The following ZFAT variants were observed in gnomAD, a reference collection of about 807,000 sequenced individuals.
The protein encoded by ZFAT is zinc finger protein ZFAT.
Under a neutral mutation model 117.7 loss-of-function variants are expected in ZFAT, and 64 were observed. That is an observed-to-expected ratio of 0.54 (90% confidence interval 0.44 to 0.67). The LOEUF is 0.67. Ranked by LOEUF, ZFAT falls within the 30% of genes least tolerant of loss-of-function variation. The pLI is 0.00. For missense variants in ZFAT, 1,433 were observed against 1,584.5 expected, an observed-to-expected ratio of 0.90 and a Z score of 1.62; for synonymous variants, 679 against 615.0, an observed-to-expected ratio of 1.10 and a Z score of -1.54.
chr8:134,641,662 C>T (rs6577718), intron 2 of ZFAT, among the ~76,000 whole-genome samples: 84,302 of 152,146 alleles, frequency 0.55, 23,515 homozygotes, highest in South Asian at 0.64. Flanking sequence ...CACAGGGTCT[C>T]GAACGGAGCT....
intron 1 of ZFAT, 46 bp downstream of exon 1, chr8:134,712,799 C>CGG: frequency 6.6e-6 from 8 of 1,206,152 alleles, no homozygotes; most frequent in Non-Finnish European, 9.2e-6. Context: ...CGCCGCGCCG[C>CGG]GCCCCACCCC....
intron 1 of ZFAT, among the ~76,000 whole-genome samples, chr8:134,675,980 C>T (rs1832778868): frequency 6.6e-6 from 1 of 152,162 alleles, no homozygotes; most frequent in Non-Finnish European, 1.5e-5. Context: ...GCACCAGCCA[C>T]TGCAAAAACA....
intron 1 of ZFAT, among the ~76,000 whole-genome samples, chr8:134,670,460 G>T (rs531758301): frequency 2.0e-5 from 3 of 152,200 alleles, no homozygotes; most frequent in Admixed American, 2.0e-4. Context: ...AATCAAAATC[G>T]CTCAACTACA....
the ZFAT span, among the ~76,000 whole-genome samples, chr8:134,783,062 T>A: frequency 2.6e-5 from 4 of 152,146 alleles, no homozygotes; most frequent in African/African-American, 9.7e-5. Flanking sequence ...TGCATATACA[T>A]CTTTAGTAAT....
At chr8:134,653,419 G>GTTTTTTTTT (rs61711569) in intron 2 of ZFAT, among the ~76,000 whole-genome samples, 2 of 51,330 alleles carry the variant, frequency 3.9e-5, no homozygotes, top group African/African-American at 8.6e-5. Flanking sequence ...CGTTTTATCT[G>GTTTTTTTTT]TTTTTTTTTT....
At chr8:134,701,841 G>T (rs986030011) in intron 1 of ZFAT, among the ~76,000 whole-genome samples, 4 of 152,178 alleles carry the variant, frequency 2.6e-5, no homozygotes, top group African/African-American at 4.8e-5. Flanking sequence ...CCAGTTTGGG[G>T]CTTGCTATGC....
In ZFAT at chr8:134,712,987, A is replaced by G; in HGVS notation, c.-124T>C. 1 of 1,196,288 alleles carries G rather than the reference A, an allele frequency of 8.4e-7. No homozygotes were observed. Among genetic ancestry groups the G allele is most frequent in the Non-Finnish European group, 1.1e-6 (1 of 910,816 alleles). The allele number at this position is 1,196,288 out of a possible 1,614,324, so 74.1% of individuals were successfully genotyped here. On this transcript the variant is annotated 5_prime_UTR_variant, in exon 1 of 16. Transcript: ENST00000377838. ...TTTATTTTTATTTTTTTAAGAAAAG[A>G]GCCGGCGAGGTTATGGCGAATCTGC... is the stretch of plus-strand genomic sequence containing the variant.
the ZFAT span, among the ~76,000 whole-genome samples, chr8:134,787,080 C>T: frequency 6.6e-6 from 1 of 152,154 alleles, no homozygotes. Flanking sequence ...AACTCCTGGT[C>T]TTAAGCTATC....
chr8:134,665,725 TGC>T (rs1832183152), intron 1 of ZFAT, among the ~76,000 whole-genome samples: 1 of 152,166 alleles, frequency 6.6e-6, no homozygotes, highest in South Asian at 2.1e-4. Context: ...CCAGACCTTT[TGC>T]TGTGCATCAC....
chr8:134,632,405 T>C (rs551943956), intron 3 of ZFAT, among the ~76,000 whole-genome samples: 38 of 151,492 alleles, frequency 2.5e-4, no homozygotes, highest in African/African-American at 9.0e-4. Context: ...TTGAGGAGAG[T>C]CAAAAGTTAT....
At chr8:134,614,453 C>A (rs897035689) in intron 3 of ZFAT, among the ~76,000 whole-genome samples, 1 of 152,164 alleles carries the variant, frequency 6.6e-6, no homozygotes, top group Non-Finnish European at 1.5e-5. Context: ...TACTCTGTAC[C>A]CTTCACCTTC....
At chr8:134,550,636 A>C (rs1180001799) in intron 11 of ZFAT, among the ~76,000 whole-genome samples, 5 of 152,208 alleles carry the variant, frequency 3.3e-5, no homozygotes, top group Admixed American at 6.5e-5. Context: ...TTTCCAGAGA[A>C]TATATTGCAC....
the ZFAT span, among the ~76,000 whole-genome samples, chr8:134,823,925 T>C: frequency 6.6e-6 from 1 of 152,246 alleles, no homozygotes; most frequent in Non-Finnish European, 1.5e-5. Flanking sequence ...AAAACTCTTT[T>C]GCACAGAACT....
the ZFAT span, among the ~76,000 whole-genome samples, chr8:134,724,840 C>CCCCACACT: frequency 6.6e-6 from 1 of 152,098 alleles, no homozygotes; most frequent in African/African-American, 2.4e-5. Context: ...GGGGAATTCA[C>CCCCACACT]CCCACACTCC....
chr8:134,650,048 T>G (rs575974712), intron 2 of ZFAT, among the ~76,000 whole-genome samples: 10 of 152,314 alleles, frequency 6.6e-5, no homozygotes, highest in African/African-American at 2.4e-4. Flanking sequence ...CCTTCTACCA[T>G]GACTGTAAGT....
the ZFAT span, among the ~76,000 whole-genome samples, chr8:134,735,280 G>T: frequency 4.6e-5 from 7 of 152,122 alleles, no homozygotes; most frequent in Middle Eastern, 3.2e-3. Context: ...AGCCTGAAAG[G>T]GTTGTGTGAC....
chr8:134,826,867 C>G, the ZFAT span, among the ~76,000 whole-genome samples: 1 of 152,272 alleles, frequency 6.6e-6, no homozygotes, highest in East Asian at 1.9e-4. Flanking sequence ...ATAAACGGAA[C>G]AGTTTTTACA....
chr8:134,628,043 G>A (rs919449026), intron 3 of ZFAT, among the ~76,000 whole-genome samples: 1 of 152,190 alleles, frequency 6.6e-6, no homozygotes, highest in Non-Finnish European at 1.5e-5. Context: ...GGGAAGCTGA[G>A]CACAAGGGAG....
chr8:134,781,524 G>A, the ZFAT span, among the ~76,000 whole-genome samples: 1 of 152,084 alleles, frequency 6.6e-6, no homozygotes, highest in Non-Finnish European at 1.5e-5. Flanking sequence ...CACTAAACTT[G>A]GTGTGATCTG....
Sources: allele counts gnomAD v4.1 joint callset (sites outside exome capture counted in the v4.1 genomes callset), GRCh38; gene constraint gnomAD v4.1.1; transcripts MANE v1.5; gene names NCBI Gene and HGNC (gene_info 2026-07-23, HGNC 2026-07-21).